The following NEXN variants were observed in gnomAD, a reference collection of about 807,000 sequenced individuals.
The protein encoded by NEXN is nexilin.
NEXN carries 65 observed loss-of-function variants against 92.6 expected under a neutral mutation model. That is an observed-to-expected ratio of 0.70 (90% confidence interval 0.57 to 0.86). NEXN has a LOEUF of 0.86. NEXN is among the 40% of genes least tolerant of loss of function. The pLI is 0.00. For synonymous variants in NEXN, 254 were observed against 242.5 expected, an observed-to-expected ratio of 1.05 and a Z score of -0.44; for missense variants, 778 against 771.1, an observed-to-expected ratio of 1.01 and a Z score of -0.11.
At chr1:77,908,437 G>C (rs1265514446) in intron 1 of NEXN, among the ~76,000 whole-genome samples, 1 of 75,750 alleles carries the variant, frequency 1.3e-5, no homozygotes, top group African/African-American at 5.1e-5. Context: ...TTTTGCTCTT[G>C]TTGCCCAGGC....
At chr1:77,896,480 C>T (rs999566610) in intron 1 of NEXN, among the ~76,000 whole-genome samples, 1 of 152,020 alleles carries the variant, frequency 6.6e-6, no homozygotes, top group Non-Finnish European at 1.5e-5. Context: ...TAAGTTCCAT[C>T]AAGAAGGCTG....
rs1186009023 is a variant in NEXN at position 77,942,833 on chromosome 1, C to T, written c.*4C>T. The T allele has an allele frequency of 9.4e-6, 15 of 1,598,200 alleles. No individual in the cohort carries two copies. The highest frequency in any genetic ancestry group is 1.3e-5 in the Non-Finnish European group (15 of 1,168,758). On this transcript the variant is annotated 3_prime_UTR_variant, in exon 13 of 13. Transcript: ENST00000334785. ...TACCATTGAAAGTAAGAATTAATCA[C>T]TCTTTTTATCTTTTATTCTATTAAT...
At chr1:77,892,824 G>A (rs187370875) in intron 1 of NEXN, among the ~76,000 whole-genome samples, 17 of 151,498 alleles carry the variant, frequency 1.1e-4, no homozygotes, top group Admixed American at 1.1e-3. Context: ...GCATGGGGAA[G>A]ATATTTCTGC....
Position 77,925,180 on chromosome 1 carries a change from T to C in NEXN, c.448-8T>C, listed in dbSNP as rs563084328. 2.5e-6 allele frequency: 4 copies of C among 1,577,706 alleles called. No individual in the cohort carries two copies. The East Asian group carries it at 9.0e-5, about 35-fold the overall frequency. ...GTAATGTAATGATATGAAATTCTCA[T>C]TCAATAGATTGAGGACATAAACAAT... On this transcript the variant is annotated splice_region_variant and splice_polypyrimidine_tract_variant and intron_variant, in intron 5 of 12. Transcript: ENST00000334785.
intron 1 of NEXN, among the ~76,000 whole-genome samples, chr1:77,896,652 C>A (rs971781503): frequency 1.3e-5 from 2 of 151,828 alleles, no homozygotes; most frequent in Non-Finnish European, 2.9e-5. Flanking sequence ...CCCAGCTACT[C>A]GGGAGGCTGA....
At chr1:77,921,430 G>A (rs775723337) in intron 5 of NEXN, among the ~76,000 whole-genome samples, 1 of 152,100 alleles carries the variant, frequency 6.6e-6, no homozygotes, top group Non-Finnish European at 1.5e-5. Context: ...GCTTCTCACC[G>A]TATCTCCTGG....
intron 5 of NEXN, among the ~76,000 whole-genome samples, chr1:77,919,482 G>A (rs998928525): frequency 6.6e-6 from 1 of 152,084 alleles, no homozygotes; most frequent in African/African-American, 2.4e-5. Flanking sequence ...GCAAAGTGGG[G>A]TACAGGTATT....
At chr1:77,928,673 TAA>T (rs1212937022) in intron 8 of NEXN, among the ~76,000 whole-genome samples, 1 of 147,420 alleles carries the variant, frequency 6.8e-6, no homozygotes. Context: ...TAGTTCACAG[TAA>T]AAAAAAAAAT....
At chr1:77,916,781 A>T (rs914595929) in intron 2 of NEXN, among the ~76,000 whole-genome samples, 2 of 152,222 alleles carry the variant, frequency 1.3e-5, no homozygotes, top group African/African-American at 4.8e-5. Context: ...AAATCAGCTT[A>T]ATTTTCAAAG....
At chr1:77,910,161 AT>A (rs1223921651) in intron 1 of NEXN, among the ~76,000 whole-genome samples, 1 of 152,238 alleles carries the variant, frequency 6.6e-6, no homozygotes, top group Non-Finnish European at 1.5e-5. Context: ...GTTACTGATA[AT>A]TACTCCAGTA....
chr1:77,903,753 T>C (rs942677128), intron 1 of NEXN, among the ~76,000 whole-genome samples: 1 of 151,392 alleles, frequency 6.6e-6, no homozygotes, highest in African/African-American at 2.5e-5. Context: ...GATGAAACCC[T>C]GTTTCTACAA....
At position 77,917,623 on chromosome 1, in the gene NEXN, G is replaced by T. The variant is rs747778287; in HGVS notation, c.85G>T (p.Gly29Cys). 6.2e-7 allele frequency: 1 copy of T among 1,613,344 alleles called. No individual in the cohort carries two copies. The highest frequency in any genetic ancestry group is 1.1e-5 in the South Asian group (1 of 90,980). The change falls in exon 3 of 13, where the codon GGT (glycine) becomes TGT (cysteine). Residue 29 changes from glycine (G) to cysteine (C), a missense_variant. Gly to Cys is a radical substitution (Grantham distance 159). This residue lies in a region of NEXN where 236 missense variants were observed against 265.6 expected (regional missense o/e 0.89). Coordinates refer to ENST00000334785, the MANE Select transcript of NEXN (RefSeq NM_144573.4). ...PKTYVPKLGK[G>C]DVKDKFEAMQ... ...AACCTATGTACCAAAACTTGGCAAGGGTGATGTAAAGGATAAGTTTGAAGC... is the reference window on the plus strand; with the variant it reads ...AACCTATGTACCAAAACTTGGCAAGTGTGATGTAAAGGATAAGTTTGAAGC...
intron 9 of NEXN, among the ~76,000 whole-genome samples, chr1:77,932,414 G>A (rs935887208): frequency 9.2e-5 from 14 of 152,096 alleles, no homozygotes; most frequent in Non-Finnish European, 1.5e-4. Context: ...TACACTTTAC[G>A]TGCTTATAAC....
At chr1:77,894,027 T>C (rs1264590798) in intron 1 of NEXN, among the ~76,000 whole-genome samples, 1 of 152,130 alleles carries the variant, frequency 6.6e-6, no homozygotes, top group Non-Finnish European at 1.5e-5. Flanking sequence ...GGTTTCACCA[T>C]GCTGGCCAGG....
intron 1 of NEXN, among the ~76,000 whole-genome samples, chr1:77,898,601 G>T (rs183780759): frequency 2.6e-5 from 4 of 152,226 alleles, no homozygotes; most frequent in Admixed American, 2.6e-4. Flanking sequence ...ACAGGCATGG[G>T]CAAGGACTTC....
rs1169508768 is a variant in NEXN, at chr1:77,926,398, C to T, written c.490-16C>T. ...GATTAAGAAGAAATAGGCTAATTAT[C>T]TATTTTATAAAATAGGAAGGAGATG... On this transcript the variant is annotated splice_polypyrimidine_tract_variant and intron_variant, in intron 6 of 12. Transcript: ENST00000334785. The T allele has an allele frequency of 1.9e-6, 3 of 1,555,004 alleles. No individual in the cohort carries two copies. The highest frequency in any genetic ancestry group is 2.7e-5 in the African/African-American group (2 of 73,518).
At chr1:77,939,486 C>T (rs945193111) in intron 11 of NEXN, among the ~76,000 whole-genome samples, 1 of 152,174 alleles carries the variant, frequency 6.6e-6, no homozygotes, top group African/African-American at 2.4e-5. Context: ...ATAGGTGTAA[C>T]ATGGAAGGTA....
At chr1:77,938,065 G>T (rs192253566) in intron 11 of NEXN, among the ~76,000 whole-genome samples, 1 of 152,214 alleles carries the variant, frequency 6.6e-6, no homozygotes, top group Admixed American at 6.5e-5. Flanking sequence ...TAGTGACAGG[G>T]TATACAGTAA....
chr1:77,910,520 A>C (rs569389517), intron 1 of NEXN, among the ~76,000 whole-genome samples: 2 of 152,192 alleles, frequency 1.3e-5, no homozygotes, highest in African/African-American at 2.4e-5. Flanking sequence ...TGGGAGGCCA[A>C]GGCAGGCGGA....
Sources: allele counts gnomAD v4.1 joint callset (sites outside exome capture counted in the v4.1 genomes callset), GRCh38; gene constraint gnomAD v4.1.1; regional missense constraint gnomAD v4.1.1; transcripts MANE v1.5; gene names NCBI Gene and HGNC (gene_info 2026-07-23, HGNC 2026-07-21).